KCTD9: variants seen among roughly 807,000 people sequenced by gnomAD.
KCTD9 encodes BTB/POZ domain-containing protein KCTD9.
KCTD9 carries 17 observed loss-of-function variants against 53.3 expected under a neutral mutation model. The ratio of observed to expected loss-of-function variants is 0.32; its 90% CI spans 0.22 to 0.48. The LOEUF is 0.48. Among genes scored for constraint, KCTD9 ranks in the 20% least tolerant of loss-of-function variants. KCTD9 has a pLI of 0.99. For synonymous variants in KCTD9, 128 were observed against 162.7 expected (o/e 0.79, Z 1.62); for missense variants, 179 against 465.5 (o/e 0.38, Z 5.66).
chr8:25,453,719 G>A (rs1389851585), intron 1 of KCTD9, among the ~76,000 whole-genome samples: 6 of 151,602 alleles, frequency 4.0e-5, no homozygotes, highest in African/African-American at 9.7e-5. Context: ...AAAAACACAC[G>A]GCAAAGAGAA....
At chr8:25,436,001 G>C (rs1268030444) in intron 8 of KCTD9, among the ~76,000 whole-genome samples, 6 of 152,158 alleles carry the variant, frequency 3.9e-5, no homozygotes, top group Non-Finnish European at 1.5e-5. Flanking sequence ...CAATTTCTAT[G>C]CATTATTCAT....
At position 25,435,365 on chromosome 8, in the gene KCTD9, C is replaced by T. The variant is rs767588265; in HGVS notation, c.811G>A (p.Asp271Asn). The T allele has an allele frequency of 1.3e-6, 2 of 1,586,918 alleles. No individual in the cohort carries two copies. The highest frequency in any genetic ancestry group is 2.3e-5 in the South Asian group (2 of 86,504). Residue 271 changes from aspartate (D) to asparagine (N), a missense_variant and splice_region_variant, in exon 9 of 12, where the codon GAC becomes AAC. Physicochemically the swap from Asp to Asn is conservative, Grantham distance 23 (BLOSUM62 1). This residue lies in a region of KCTD9 where 32 missense variants were observed against 55.7 expected (regional missense o/e 0.57). Coordinates refer to ENST00000221200, the MANE Select transcript of KCTD9 (RefSeq NM_017634.4). ...ERADLSGSVL[D>N]CANLQGVKML... ...TTGTAGCCTAAAATGATACTTACGT[C>T]AAGCACTGATCCAGAGAGATCAGCT...
chr8:25,449,005 T>C (rs11781066), intron 1 of KCTD9, among the ~76,000 whole-genome samples: 51,984 of 152,134 alleles, frequency 0.34, 9,178 homozygotes, highest in African/African-American at 0.43. Flanking sequence ...TGAGGTATTC[T>C]GTAATTGCAT....
At chr8:25,440,355 G>A (rs1187682194) in intron 4 of KCTD9, among the ~76,000 whole-genome samples, 2 of 152,172 alleles carry the variant, frequency 1.3e-5, no homozygotes, top group Non-Finnish European at 2.9e-5. Flanking sequence ...ACCGCGCCCA[G>A]CCAAAAGCAT....
intron 1 of KCTD9, among the ~76,000 whole-genome samples, chr8:25,448,978 T>G (rs1182014443): frequency 6.6e-6 from 1 of 152,124 alleles, no homozygotes; most frequent in African/African-American, 2.4e-5. Context: ...CTATGATTGT[T>G]CACCTCTGCA....
At chr8:25,436,638 T>C (rs898923635) in intron 6 of KCTD9, among the ~76,000 whole-genome samples, 153 bp from the exon 7 acceptor site, 2 of 152,190 alleles carry the variant, frequency 1.3e-5, no homozygotes, top group Non-Finnish European at 2.9e-5. Flanking sequence ...ACAAGTATCT[T>C]TTACATACTG....
At chr8:25,432,704 C>T (rs1801951855) in intron 10 of KCTD9, 67 bp from the exon 11 acceptor site, 2 of 1,422,352 alleles carry the variant, frequency 1.4e-6, no homozygotes, top group African/African-American at 1.5e-5. Context: ...AACAGAACTG[C>T]AAGATGACTT....
intron 1 of KCTD9, chr8:25,451,518 G>A (rs1563250397): frequency 6.6e-6 from 1 of 152,088 alleles, no homozygotes; most frequent in Non-Finnish European, 1.5e-5. Context: ...ATGTCACTGG[G>A]ATTATCTACC....
chr8:25,434,386 G>A (rs77180072), intron 9 of KCTD9, among the ~76,000 whole-genome samples: 9,395 of 152,130 alleles, frequency 0.062, 371 homozygotes, highest in South Asian at 0.1. Context: ...TCCACCACAC[G>A]CAGCCAAGAG....
intron 11 of KCTD9, among the ~76,000 whole-genome samples, chr8:25,430,752 C>T (rs1266214468): frequency 1.3e-5 from 2 of 151,712 alleles, no homozygotes; most frequent in African/African-American, 4.9e-5. Context: ...GTCCCTGGTG[C>T]CAAAAAGGTT....
chr8:25,434,989 A>G (rs112480129), intron 9 of KCTD9, among the ~76,000 whole-genome samples: 14 of 152,342 alleles, frequency 9.2e-5, no homozygotes, highest in African/African-American at 3.4e-4. Flanking sequence ...CTTGAGCAGT[A>G]ACATTTTCCC....
Position 25,446,173 on chromosome 8 carries a change from C to A in KCTD9, c.126G>T (p.Val42=), listed in dbSNP as rs1318248494. 5 of 1,613,978 alleles carry A rather than the reference C, an allele frequency of 3.1e-6. No homozygotes were observed. The Admixed American group carries it at 8.3e-5, about 27-fold the overall frequency. ...SSKLGIKATS[V]YNGKGGLIDD... ...CAATCAGTCCACCTTTCCCATTATACACACTGGTGGCTTTTATGCCGAGTT... is the reference window on the plus strand; with the variant it reads ...CAATCAGTCCACCTTTCCCATTATAAACACTGGTGGCTTTTATGCCGAGTT... The change falls in exon 2 of 12, where the codon GTG becomes GTT. Residue 42 remains valine (V), a synonymous_variant. Transcript: ENST00000221200.
intron 1 of KCTD9, 151 bp from the exon 2 acceptor site, chr8:25,446,401 A>C: frequency 1.2e-6 from 1 of 845,500 alleles, no homozygotes; most frequent in Non-Finnish European, 1.8e-6. Flanking sequence ...TTCTTCCATG[A>C]CTCATTTATT....
In KCTD9 at chr8:25,428,411, T is replaced by G. The variant is rs1801875485; in HGVS notation, c.*1446A>C. ...AAGGAAAGCTTTGCATATGTAGATA[T>G]AGAAGAATAAGCTACGTAAATACTA... On this transcript the variant is annotated 3_prime_UTR_variant, in exon 12 of 12. Coordinates refer to ENST00000221200, the MANE Select transcript of KCTD9 (RefSeq NM_017634.4). The G allele has an allele frequency of 6.6e-6, 1 of 152,546 alleles. No homozygotes were observed. Among genetic ancestry groups the G allele is most frequent in the South Asian group, 2.1e-4 (1 of 4,832 alleles). The allele number at this position is 152,546 out of a possible 1,614,324, so 9.4% of individuals were successfully genotyped here.
intron 11 of KCTD9, among the ~76,000 whole-genome samples, chr8:25,430,878 C>T (rs1801916093): frequency 6.6e-6 from 1 of 151,738 alleles, no homozygotes. Context: ...GCTCTTGTTG[C>T]CCAGGCTGGA....
At chr8:25,443,919 C>T (rs750696814) in intron 3 of KCTD9, among the ~76,000 whole-genome samples, 66 of 152,000 alleles carry the variant, frequency 4.3e-4, no homozygotes, top group Non-Finnish European at 6.9e-4. Context: ...ACACTACTTA[C>T]GCAAGCAATA....
At chr8:25,446,350 T>A (rs1802213674) in intron 1 of KCTD9, 100 bp from the exon 2 acceptor site, 1 of 1,347,918 alleles carries the variant, frequency 7.4e-7, no homozygotes, top group African/African-American at 1.5e-5. Flanking sequence ...AAGATTATCA[T>A]ATAAAAGGAG....
intron 1 of KCTD9, among the ~76,000 whole-genome samples, chr8:25,456,342 T>C (rs1802433452): frequency 6.6e-6 from 1 of 152,256 alleles, no homozygotes; most frequent in Non-Finnish European, 1.5e-5. Context: ...TGAACATTCA[T>C]GTCATGATCA....
At chr8:25,458,094 T>A in intron 1 of KCTD9, 105 bp downstream of exon 1, 2 of 1,153,230 alleles carry the variant, frequency 1.7e-6, no homozygotes, top group South Asian at 1.4e-5. Context: ...CACGCCCACC[T>A]CCCAGCCCCT....
Sources: gnomAD v4.1 joint callset for allele counts (sites outside exome capture counted in the v4.1 genomes callset) on GRCh38, gnomAD v4.1.1 for gene constraint, gnomAD v4.1.1 regional missense constraint, MANE v1.5 for transcripts, NCBI Gene and HGNC (gene_info 2026-07-23, HGNC 2026-07-21) for gene names.